Variants in SMAP2 observed in about 807,000 individuals in gnomAD.
SMAP2 encodes small ArfGAP2, also known as stromal membrane-associated protein 2.
In SMAP2, 25 loss-of-function variants were observed where a neutral mutation model predicts 56.4. The ratio of observed to expected loss-of-function variants is 0.44; its 90% CI spans 0.32 to 0.62. SMAP2 has a LOEUF of 0.62. SMAP2 is among the 20% of genes least tolerant of loss of function. The pLI is 0.04. For synonymous variants in SMAP2, 157 were observed against 181.7 expected (o/e 0.86, Z 1.09); for missense variants, 388 against 545.6 (o/e 0.71, Z 2.88).
upstream of SMAP2, among the ~76,000 whole-genome samples, chr1:40,371,353 A>C (rs12064007): frequency 0.032 from 4,823 of 152,226 alleles, 223 homozygotes; most frequent in African/African-American, 0.1. Flanking sequence ...TGGGCTATGC[A>C]CTCACTTTAC....
Position 40,374,950 on chromosome 1 carries a change from T to G in SMAP2, c.103+727T>G. On this transcript the variant is annotated intron_variant, in intron 1 of 9. Transcript: ENST00000372718. This position sits in a 1 kb window ranked among gnomAD's most constrained non-coding sequence, Gnocchi z 5.9. ...ATTATGCCTGTAGTGCAGGATCCGT[T>G]TAATCAGTGGAGAGAGAAAGATGAA... is the stretch of plus-strand genomic sequence containing the variant. 8.1e-6 allele frequency: 8 copies of G among 985,372 alleles called. No individual in the cohort carries two copies. Among genetic ancestry groups the G allele is most frequent in the Non-Finnish European group, 9.6e-6 (8 of 829,912 alleles). 61.0% of individuals were successfully genotyped at this position (985,372 alleles called of 1,614,324 possible). A position where few individuals can be genotyped will look rare whatever the true frequency, so the allele number is the denominator to read the frequency against.
chr1:40,387,983 G>C (rs750313850), intron 1 of SMAP2, among the ~76,000 whole-genome samples: 117 of 152,144 alleles, frequency 7.7e-4, no homozygotes, highest in Non-Finnish European at 1.3e-3. Flanking sequence ...GCAATGAGGG[G>C]CTTAGCACCT....
chr1:40,371,171 CA>C (rs760759983), upstream of SMAP2, among the ~76,000 whole-genome samples: 132 of 139,532 alleles, frequency 9.5e-4, 1 homozygote, highest in Middle Eastern at 7.7e-3. Flanking sequence ...GACTCGGTCT[CA>C]AAAAAAAAAA....
chr1:40,397,593 A>T (rs1429446806), intron 1 of SMAP2, among the ~76,000 whole-genome samples: 1 of 152,110 alleles, frequency 6.6e-6, no homozygotes, highest in African/African-American at 2.4e-5. Flanking sequence ...TTATTGACGA[A>T]TTCATTTAAC....
chr1:40,401,888 A>T (rs1049225920), intron 1 of SMAP2, among the ~76,000 whole-genome samples: 1 of 152,134 alleles, frequency 6.6e-6, no homozygotes, highest in East Asian at 1.9e-4. Context: ...AACCAAATCC[A>T]TCTCCATCTA....
At chr1:40,354,289 TAG>T (rs962967367) in intron 1 of SMAP2, among the ~76,000 whole-genome samples, 4 of 152,128 alleles carry the variant, frequency 2.6e-5, no homozygotes, top group African/African-American at 9.7e-5. Context: ...AATTATGTCC[TAG>T]AGTCCATGGG....
chr1:40,391,025 A>G (rs1328378851), intron 1 of SMAP2, among the ~76,000 whole-genome samples: 1 of 152,170 alleles, frequency 6.6e-6, no homozygotes, highest in Non-Finnish European at 1.5e-5. Context: ...TGTTGTGGGC[A>G]CTGTCCAGGG....
intron 1 of SMAP2, among the ~76,000 whole-genome samples, chr1:40,388,181 G>A (rs971547066): frequency 2.0e-5 from 3 of 152,178 alleles, no homozygotes; most frequent in African/African-American, 4.8e-5. Flanking sequence ...CAACGAGACC[G>A]CCCCCTGCTC....
chr1:40,379,555 CT>C (rs35398664), intron 1 of SMAP2, among the ~76,000 whole-genome samples: 22,954 of 79,448 alleles, frequency 0.29, 1,246 homozygotes, highest in Non-Finnish European at 0.34. Context: ...TGTTGTCTCT[CT>C]TTTTTTTTTT....
At chr1:40,371,717 A>G (rs1333114881), upstream of SMAP2, among the ~76,000 whole-genome samples, 1 of 152,238 alleles carries the variant, frequency 6.6e-6, no homozygotes, top group African/African-American at 2.4e-5. Context: ...ATAAAATCCT[A>G]CCATGTGCTC....
At chr1:40,363,118 C>A (rs1015820864) in intron 2 of SMAP2, among the ~76,000 whole-genome samples, 26 of 152,100 alleles carry the variant, frequency 1.7e-4, no homozygotes, top group African/African-American at 6.3e-4. Flanking sequence ...TCAATGAATA[C>A]AAAGCACAAC....
Position 40,346,697 on chromosome 1 carries a change from T to C in SMAP2, c.-83+1787T>C, listed in dbSNP as rs1420452491. 2.6e-4 allele frequency among the ~76,000 whole-genome samples: 37 copies of C among 144,408 alleles called. No individual in the cohort carries two copies. In the Admixed American group the frequency reaches 2.6e-3, roughly 10 times the overall value. 94.7% of individuals were successfully genotyped at this position (144,408 alleles called of 152,430 possible). ...AAGTGTGATTTTTTAAAAAATCATT[T>C]AATATATTGCTGGTGTTTCTCAGAA... On this transcript the variant is annotated intron_variant, in intron 1 of 6. Coordinates refer to the SMAP2 transcript ENST00000435168.
At position 40,347,253 on chromosome 1, in the gene SMAP2, T is replaced by G. The variant is rs1188469507; in HGVS notation, c.-83+2343T>G. On this transcript the variant is annotated intron_variant, in intron 1 of 6. Transcript: ENST00000435168. ...TTGTGTGTGTGTGTTTTGTTTTTGT[T>G]TTTTTTTTTTTTTTTAAAGCAAAGA... is the stretch of plus-strand genomic sequence containing the variant. 4.1e-3 allele frequency among the ~76,000 whole-genome samples: 520 copies of G among 127,466 alleles called. 6 individuals are homozygous for G. Among genetic ancestry groups the G allele is most frequent in the African/African-American group, 0.014 (492 of 34,866 alleles). 83.6% of individuals were successfully genotyped at this position (127,466 alleles called of 152,430 possible).
chr1:40,356,425 T>C (rs1232452211), intron 1 of SMAP2, among the ~76,000 whole-genome samples: 1 of 151,342 alleles, frequency 6.6e-6, no homozygotes, highest in Non-Finnish European at 1.5e-5. Flanking sequence ...GTTTTTTTTT[T>C]TTTGAGACCA....
chr1:40,351,572 T>C (rs1263217084), intron 1 of SMAP2, among the ~76,000 whole-genome samples: 1 of 152,192 alleles, frequency 6.6e-6, no homozygotes, highest in Admixed American at 6.5e-5. Flanking sequence ...TGGCACGATC[T>C]TGGCTCACTG....
At position 40,408,969 on chromosome 1, in the gene SMAP2, A is replaced by C. The variant is rs1644910739; in HGVS notation, c.323+231A>C. On this transcript the variant is annotated intron_variant, in intron 3 of 9. Transcript: ENST00000372718. This position sits in a 1 kb window ranked among gnomAD's most constrained non-coding sequence, Gnocchi z 4.3. ...AGACTCACTCTGGAATTAAGACTGCAGTGATTTCACTGTGAATTCTTCTAT... is the reference window on the plus strand; with the variant it reads ...AGACTCACTCTGGAATTAAGACTGCCGTGATTTCACTGTGAATTCTTCTAT... 6.6e-6 allele frequency among the ~76,000 whole-genome samples: 1 copy of C among 152,238 alleles called. No homozygotes were observed.
At chr1:40,409,874 A>AC in intron 4 of SMAP2, 39 bp downstream of exon 4, 1 of 1,287,546 alleles carries the variant, frequency 7.8e-7, no homozygotes. Context: ...CACAATAAGT[A>AC]ATGTGCTTAT....
chr1:40,345,771 C>T lies in SMAP2; in HGVS notation c.-83+861C>T, dbSNP rs186352790. ...ACATCTATTGTGTATTATAATATAA[C>T]GTTAAATTTGCATTTGGCTGGAGGA... On this transcript the variant is annotated intron_variant, in intron 1 of 6. Transcript: ENST00000435168. Among the ~76,000 whole-genome samples the T allele has an allele frequency of 9.5e-4, 142 of 150,012 alleles. 1 individual carries two copies. The highest frequency in any genetic ancestry group is 3.6e-3 in the Admixed American group (54 of 15,040).
chr1:40,406,948 G>A (rs1644891216), intron 2 of SMAP2, 79 bp downstream of exon 2: 22 of 1,468,140 alleles, frequency 1.5e-5, no homozygotes, highest in Non-Finnish European at 2.0e-5. Flanking sequence ...GTCAAACCTG[G>A]CACAAAGGTG....
Sources: allele counts gnomAD v4.1 joint callset (sites outside exome capture counted in the v4.1 genomes callset), GRCh38; gene constraint gnomAD v4.1.1; non-coding constraint Gnocchi (gnomAD v3.1); transcripts MANE v1.5; gene names NCBI Gene and HGNC (gene_info 2026-07-23, HGNC 2026-07-21).